PSD3: variants seen among roughly 807,000 people sequenced by gnomAD.
PSD3 encodes PH and SEC7 domain-containing protein 3.
Under a neutral mutation model 105.5 loss-of-function variants are expected in PSD3, and 49 were observed. That is an observed-to-expected ratio of 0.46 (90% CI 0.37 to 0.59). PSD3 has a LOEUF of 0.59. Ranked by LOEUF, PSD3 falls within the 20% of genes least tolerant of loss-of-function variation. The pLI, the probability that PSD3 is intolerant of heterozygous loss-of-function variation, is 0.00. For missense variants in PSD3, 1,561 were observed against 1,263.8 expected (o/e 1.24, Z -3.57); for synonymous variants, 557 against 457.8 (o/e 1.22, Z -2.77).
chr8:19,035,367 A>G (rs913087127), intron 1 of PSD3, among the ~76,000 whole-genome samples: 1 of 152,222 alleles, frequency 6.6e-6, no homozygotes, highest in Non-Finnish European at 1.5e-5. Flanking sequence ...AAGCACTATG[A>G]ACATGAAAAC....
In PSD3 at chr8:18,607,683, C is replaced by CAAAAAA. The variant is rs755375836; in HGVS notation, c.2411-7255_2411-7250dup. 6.4e-4 allele frequency among the ~76,000 whole-genome samples: 52 copies of CAAAAAA among 81,264 alleles called. 7 individuals are homozygous for CAAAAAA. The highest frequency in any genetic ancestry group is 1.1e-3 in the Admixed American group (7 of 6,388). 53.3% of individuals were successfully genotyped at this position (81,264 alleles called of 152,430 possible). On this transcript the variant is annotated intron_variant, in intron 11 of 15. Transcript: ENST00000327040. ...AGCATATAACAAGACTCCACTGCTA[C>CAAAAAA]AAAAAAAAAAAACAAAACAAAAAAA...
chr8:18,595,920 C>T (rs1471133521), intron 12 of PSD3, among the ~76,000 whole-genome samples: 3 of 151,974 alleles, frequency 2.0e-5, no homozygotes, highest in African/African-American at 7.2e-5. Context: ...CAAACATATA[C>T]AGAACATTCC....
At chr8:18,696,182 C>T (rs1801248823) in intron 9 of PSD3, among the ~76,000 whole-genome samples, 1 of 152,210 alleles carries the variant, frequency 6.6e-6, no homozygotes, top group African/African-American at 2.4e-5. Flanking sequence ...TCACAGAGGC[C>T]TTTGTTGAGA....
At chr8:18,761,111 G>T (rs1033442408) in intron 9 of PSD3, among the ~76,000 whole-genome samples, 2 of 152,134 alleles carry the variant, frequency 1.3e-5, no homozygotes, top group East Asian at 1.9e-4. Flanking sequence ...CACTAAAAAC[G>T]CAAATCAAAC....
At position 18,698,558 on chromosome 8, in the gene PSD3, G is replaced by T. The variant is rs951896807; in HGVS notation, c.2173-42873C>A. On this transcript the variant is annotated intron_variant, in intron 9 of 15. Coordinates refer to ENST00000327040, the MANE Select transcript of PSD3 (RefSeq NM_015310.4). ...TAGACAGCTCTTAGAAGCTGGAAAA[G>T]ACAAGCAAAAAGATTCTCCCCTCGA... 4.6e-5 allele frequency among the ~76,000 whole-genome samples: 7 copies of T among 152,164 alleles called. 1 individual carries two copies. Among genetic ancestry groups the T allele is most frequent in the Non-Finnish European group, 8.8e-5 (6 of 68,020 alleles).
At chr8:18,706,997 G>C (rs1433264083) in intron 9 of PSD3, among the ~76,000 whole-genome samples, 1 of 152,106 alleles carries the variant, frequency 6.6e-6, no homozygotes, top group Admixed American at 6.6e-5. Context: ...TCTCATTTAG[G>C]AAATCAGGAT....
chr8:18,607,601 G>A lies in PSD3; in HGVS notation c.2411-7167C>T, dbSNP rs1305113591. ...TTGGATAAATCTGGGATCTAGGAGT[G>A]ATATTAAAATTACTTAAGAGCTGAG... On this transcript the variant is annotated intron_variant, in intron 11 of 15. Coordinates refer to ENST00000327040, the MANE Select transcript of PSD3 (RefSeq NM_015310.4). 6.4e-5 allele frequency among the ~76,000 whole-genome samples: 9 copies of A among 141,222 alleles called. No homozygotes were observed. The East Asian group carries it at 1.1e-3, about 18-fold the overall frequency. 92.6% of individuals were successfully genotyped at this position (141,222 alleles called of 152,430 possible).
chr8:18,644,921 T>A (rs1312967942), intron 10 of PSD3, among the ~76,000 whole-genome samples: 9 of 152,226 alleles, frequency 5.9e-5, no homozygotes. Flanking sequence ...GGGGCCTGCA[T>A]CTGATGAGGG....
chr8:18,980,942 A>T (rs1295042991), intron 1 of PSD3, among the ~76,000 whole-genome samples: 1 of 151,818 alleles, frequency 6.6e-6, no homozygotes, highest in African/African-American at 2.4e-5. Context: ...TACTCCCCCA[A>T]CTGGAATACC....
intron 2 of PSD3, among the ~76,000 whole-genome samples, chr8:18,924,249 C>G (rs1282864732): frequency 6.6e-6 from 1 of 152,128 alleles, no homozygotes; most frequent in South Asian, 2.1e-4. Context: ...TACTGCGTAT[C>G]AAGCAGAGGC....
chr8:19,076,121 G>A (rs1273587881), intron 1 of PSD3, among the ~76,000 whole-genome samples: 2 of 152,006 alleles, frequency 1.3e-5, no homozygotes, highest in Non-Finnish European at 1.5e-5. Flanking sequence ...TACGGTGGAA[G>A]GGCAGTTTGC....
At chr8:18,772,017 A>G (rs1807586815) in intron 8 of PSD3, among the ~76,000 whole-genome samples, 1 of 152,194 alleles carries the variant, frequency 6.6e-6, no homozygotes, top group Admixed American at 6.5e-5. Context: ...CACTTAGCAT[A>G]ATGTCCTCAA....
intron 10 of PSD3, among the ~76,000 whole-genome samples, chr8:18,645,372 A>T (rs1361822391): frequency 6.6e-6 from 1 of 152,232 alleles, no homozygotes; most frequent in Non-Finnish European, 1.5e-5. Flanking sequence ...CTAATAATCA[A>T]TAGCTAACAA....
At chr8:18,959,635 G>A (rs928971023) in intron 1 of PSD3, among the ~76,000 whole-genome samples, 1 of 152,084 alleles carries the variant, frequency 6.6e-6, no homozygotes, top group Non-Finnish European at 1.5e-5. Context: ...ATTCCACTAA[G>A]AGAACTGGGA....
chr8:18,972,344 G>A (rs1329618021), intron 1 of PSD3, among the ~76,000 whole-genome samples: 1 of 152,178 alleles, frequency 6.6e-6, no homozygotes, highest in African/African-American at 2.4e-5. Context: ...GAGGGGAGCA[G>A]GGAGTCTGTA....
At chr8:18,732,175 C>A (rs572634728) in intron 9 of PSD3, among the ~76,000 whole-genome samples, 18 of 151,918 alleles carry the variant, frequency 1.2e-4, no homozygotes, top group African/African-American at 2.4e-4. Flanking sequence ...CCTCCTCCCC[C>A]CCGAAAAAAA....
intron 14 of PSD3, among the ~76,000 whole-genome samples, chr8:18,569,480 A>C (rs938699962): frequency 1.3e-5 from 2 of 149,664 alleles, no homozygotes; most frequent in African/African-American, 4.9e-5. Context: ...AGAGAGCCAA[A>C]TCATGAGTGA....
intron 3 of PSD3, among the ~76,000 whole-genome samples, chr8:18,869,226 A>G (rs1817165075): frequency 7.7e-6 from 1 of 130,340 alleles, no homozygotes; most frequent in Non-Finnish European, 1.5e-5. Flanking sequence ...GTCTAACTCT[A>G]TCACCTAGGC....
chr8:18,717,212 A>C (rs940170964), intron 9 of PSD3, among the ~76,000 whole-genome samples: 2 of 152,192 alleles, frequency 1.3e-5, no homozygotes, highest in African/African-American at 4.8e-5. Context: ...AATAAAATTA[A>C]CCAAATTACG....
Sources: allele counts gnomAD v4.1 joint callset (sites outside exome capture counted in the v4.1 genomes callset), GRCh38; gene constraint gnomAD v4.1.1; transcripts MANE v1.5; gene names NCBI Gene and HGNC (gene_info 2026-07-23, HGNC 2026-07-21).